Variants in PLAC8L1 observed in about 807,000 individuals in gnomAD.
The protein encoded by PLAC8L1 is PLAC8 like 1, also known as PLAC8-like protein 1.
PLAC8L1 carries 13 observed loss-of-function variants against 16.3 expected under a neutral mutation model. The ratio of observed to expected loss-of-function variants is 0.80; its 90% CI spans 0.52 to 1.27. The LOEUF is 1.27. Ranked by LOEUF, PLAC8L1 falls within the 50% of genes most tolerant of loss-of-function variation. The pLI is 0.00. For missense variants in PLAC8L1, 184 were observed against 220.2 expected, an observed-to-expected ratio of 0.84 and a Z score of 1.04; for synonymous variants, 78 against 79.3, an observed-to-expected ratio of 0.98 and a Z score of 0.09.
intron 2 of PLAC8L1, among the ~76,000 whole-genome samples, chr5:146,090,911 G>C (rs866857464): frequency 6.6e-6 from 1 of 151,944 alleles, no homozygotes. Flanking sequence ...AAAATTAGCC[G>C]GGCGTGGTGG....
At chr5:146,087,306 T>G (rs1446308358) in intron 2 of PLAC8L1, among the ~76,000 whole-genome samples, 1 of 152,200 alleles carries the variant, frequency 6.6e-6, no homozygotes, top group Non-Finnish European at 1.5e-5. Context: ...TTTTTGCTAT[T>G]ATGAATTTGA....
chr5:146,104,279 A>G lies in PLAC8L1; in HGVS notation c.33T>C (p.Cys11=). MNWFGSNFFR[C]PEDLSLLNIY... is the part of the protein sequence containing the mutation. ...TGTTGAGTAAGGAAAGATCCTCAGG[A>G]CACCTGAAGAAGTTACTTCCAAACC... The change falls in exon 1 of 4, where the codon TGT becomes TGC. Residue 11 remains cysteine, a synonymous_variant. Coordinates refer to ENST00000311450, the MANE Select transcript of PLAC8L1 (RefSeq NM_001029869.3). The G allele has an allele frequency of 6.2e-7, 1 of 1,613,480 alleles. No homozygotes were observed. Among genetic ancestry groups the G allele is most frequent in the Non-Finnish European group, 8.5e-7 (1 of 1,179,448 alleles).
At chr5:146,098,037 G>A in intron 2 of PLAC8L1, 119 bp downstream of exon 2, 1 of 1,200,446 alleles carries the variant, frequency 8.3e-7, no homozygotes, top group Non-Finnish European at 1.1e-6. Flanking sequence ...TGAAAGATTA[G>A]TCCAGTTATT....
chr5:146,096,940 T>A (rs1429944434), intron 2 of PLAC8L1, among the ~76,000 whole-genome samples: 3 of 152,218 alleles, frequency 2.0e-5, no homozygotes, highest in Admixed American at 2.0e-4. Context: ...GACTCTCAGC[T>A]GAATGAGGAC....
intron 2 of PLAC8L1, among the ~76,000 whole-genome samples, chr5:146,096,777 TTAG>T (rs1454605465): frequency 6.6e-6 from 1 of 152,204 alleles, no homozygotes; most frequent in Non-Finnish European, 1.5e-5. Context: ...TCTCTGTACC[TTAG>T]TACTGGGTGA....
intron 2 of PLAC8L1, among the ~76,000 whole-genome samples, chr5:146,089,800 A>C (rs1433247849): frequency 6.8e-6 from 1 of 148,114 alleles, no homozygotes; most frequent in Non-Finnish European, 1.5e-5. Context: ...GTTCAATGGC[A>C]CAATCTCAGC....
chr5:146,105,385 T>C lies in PLAC8L1; in HGVS notation c.-1074A>G, dbSNP rs1354286676. On this transcript the variant is annotated 5_prime_UTR_variant, in exon 1 of 4. The change abolishes an upstream ATG in the 5' untranslated region. Coordinates refer to ENST00000311450, the MANE Select transcript of PLAC8L1 (RefSeq NM_001029869.3). ...ATCATGGGGTTCTGGGCAACTGTCA[T>C]TGTCTTCTTAACAGTAAGGATGTAC... Among the ~76,000 whole-genome samples the C allele has an allele frequency of 6.6e-6, 1 of 152,106 alleles. No individual in the cohort carries two copies. Among genetic ancestry groups the C allele is most frequent in the African/African-American group, 2.4e-5 (1 of 41,400 alleles).
intron 2 of PLAC8L1, among the ~76,000 whole-genome samples, chr5:146,090,813 G>A (rs1253594244): frequency 1.3e-5 from 2 of 152,132 alleles, no homozygotes; most frequent in Admixed American, 6.5e-5. Flanking sequence ...AGCACTTTGG[G>A]AGGCTGAAGA....
chr5:146,094,824 A>G (rs1307884493), intron 2 of PLAC8L1, among the ~76,000 whole-genome samples: 2 of 152,244 alleles, frequency 1.3e-5, no homozygotes, highest in Non-Finnish European at 2.9e-5. Context: ...TGCTGTTCAT[A>G]ATGTACCCTT....
At chr5:146,086,687 A>G (rs1405188382) in intron 2 of PLAC8L1, among the ~76,000 whole-genome samples, 2 of 152,230 alleles carry the variant, frequency 1.3e-5, no homozygotes, top group African/African-American at 4.8e-5. Context: ...AAAATTGTGC[A>G]TTCAATTTCA....
At chr5:146,091,779 G>A (rs57184142) in intron 2 of PLAC8L1, among the ~76,000 whole-genome samples, 2 of 152,198 alleles carry the variant, frequency 1.3e-5, no homozygotes, top group East Asian at 1.9e-4. Flanking sequence ...TTCAGCCTGG[G>A]CAACAAGTAA....
chr5:146,088,142 T>C (rs1224075603), intron 2 of PLAC8L1, among the ~76,000 whole-genome samples: 1 of 152,206 alleles, frequency 6.6e-6, no homozygotes, highest in Non-Finnish European at 1.5e-5. Flanking sequence ...CTAACTTTTT[T>C]TCTTATCTTT....
intron 1 of PLAC8L1, among the ~76,000 whole-genome samples, chr5:146,102,968 T>G (rs1267530462): frequency 6.6e-6 from 1 of 152,206 alleles, no homozygotes; most frequent in African/African-American, 2.4e-5. Flanking sequence ...TAGGGCATTC[T>G]GTATACTTTT....
chr5:146,098,589 C>T (rs758463491), intron 1 of PLAC8L1, among the ~76,000 whole-genome samples: 6 of 152,196 alleles, frequency 3.9e-5, no homozygotes, highest in Non-Finnish European at 1.5e-5. Context: ...AATTTGGAAT[C>T]GAGGCCTCAG....
chr5:146,103,105 C>G (rs1291826039), intron 1 of PLAC8L1, among the ~76,000 whole-genome samples: 1 of 152,182 alleles, frequency 6.6e-6, no homozygotes, highest in Non-Finnish European at 1.5e-5. Context: ...ATAATCCCAG[C>G]CACAAGGGAG....
At chr5:146,103,262 C>T (rs1028841459) in intron 1 of PLAC8L1, among the ~76,000 whole-genome samples, 3 of 152,114 alleles carry the variant, frequency 2.0e-5, no homozygotes, top group African/African-American at 7.2e-5. Context: ...AGGGTTCAAC[C>T]AATTCTCCTG....
intron 2 of PLAC8L1, among the ~76,000 whole-genome samples, chr5:146,088,990 G>T (rs150356709): frequency 6.6e-6 from 1 of 152,058 alleles, no homozygotes; most frequent in Non-Finnish European, 1.5e-5. Context: ...ATCAAAACTT[G>T]CTTAATTGTA....
At chr5:146,086,668 T>C (rs985646150) in intron 2 of PLAC8L1, among the ~76,000 whole-genome samples, 5 of 152,170 alleles carry the variant, frequency 3.3e-5, no homozygotes, top group African/African-American at 1.2e-4. Context: ...TACATGCACA[T>C]AGACATGCAA....
intron 2 of PLAC8L1, among the ~76,000 whole-genome samples, chr5:146,090,251 T>C (rs1763589156): frequency 6.6e-6 from 1 of 151,606 alleles, no homozygotes; most frequent in Admixed American, 6.6e-5. Flanking sequence ...AAAGAACTCT[T>C]GGCCGGGCAC....
Sources: gnomAD v4.1 joint callset for allele counts (sites outside exome capture counted in the v4.1 genomes callset) on GRCh38, gnomAD v4.1.1 for gene constraint, MANE v1.5 for transcripts, NCBI Gene and HGNC (gene_info 2026-07-23, HGNC 2026-07-21) for gene names.